COL15A1: variants seen among roughly 807,000 people sequenced by gnomAD.
COL15A1 encodes the protein collagen alpha-1(XV) chain.
In COL15A1, 111 loss-of-function variants were observed where a neutral mutation model predicts 165.9. That is an observed-to-expected ratio of 0.67 (90% confidence interval 0.57 to 0.78). The LOEUF is 0.78. Among genes scored for constraint, COL15A1 ranks in the 30% least tolerant of loss-of-function variants. COL15A1 has a pLI of 0.00. For missense variants in COL15A1, 1,745 were observed against 1,789.7 expected (o/e 0.98, Z 0.45); for synonymous variants, 659 against 674.8 (o/e 0.98, Z 0.36).
chr9:98,947,401 G>A (rs543559732), intron 2 of COL15A1, among the ~76,000 whole-genome samples: 138 of 152,208 alleles, frequency 9.1e-4, no homozygotes, highest in African/African-American at 3.1e-3. Context: ...AGGGGCATGA[G>A]GAAACTTTTT....
In COL15A1 at chr9:99,003,688, A is replaced by G. The variant is rs1220897607; in HGVS notation, c.1200+101A>G. ...GGCTTTCCCTATGTGTCTGTGAAAC[A>G]CAGTGACAGTCTCATGGGGGCAGTC... On this transcript the variant is annotated intron_variant, in intron 8 of 41. Transcript: ENST00000375001. 1.1e-4 allele frequency: 146 copies of G among 1,280,800 alleles called. 1 individual carries two copies. Among genetic ancestry groups the G allele is most frequent in the Non-Finnish European group, 1.4e-4 (137 of 963,222 alleles). 79.3% of individuals were successfully genotyped at this position (1,280,800 alleles called of 1,614,324 possible). A position where few individuals can be genotyped will look rare whatever the true frequency, so the allele number is the denominator to read the frequency against.
chr9:99,024,817 C>G (rs543877282), intron 14 of COL15A1, 57 bp from the exon 15 acceptor site: 2 of 1,569,506 alleles, frequency 1.3e-6, no homozygotes, highest in Non-Finnish European at 1.7e-6. Flanking sequence ...GAAGCACATA[C>G]TCAGTATCTC....
At chr9:98,980,386 C>T (rs767488682) in intron 2 of COL15A1, among the ~76,000 whole-genome samples, 4 of 152,116 alleles carry the variant, frequency 2.6e-5, no homozygotes, top group Non-Finnish European at 5.9e-5. Flanking sequence ...GGAGGTGAAG[C>T]GAGATTTCAG....
At chr9:98,978,962 A>G (rs1212518979) in intron 2 of COL15A1, among the ~76,000 whole-genome samples, 1 of 152,156 alleles carries the variant, frequency 6.6e-6, no homozygotes, top group Non-Finnish European at 1.5e-5. Context: ...GTATTAGTAC[A>G]TACATTTCCA....
At chr9:99,047,365 G>A (rs1254888708) in intron 26 of COL15A1, among the ~76,000 whole-genome samples, 2 of 152,196 alleles carry the variant, frequency 1.3e-5, no homozygotes, top group East Asian at 1.9e-4. Flanking sequence ...CCTGAGGGGC[G>A]AGGCAGGGCT....
chr9:99,000,743 T>C (rs1838636021), intron 6 of COL15A1, 96 bp from the exon 7 acceptor site: 1 of 730,146 alleles, frequency 1.4e-6, no homozygotes, highest in South Asian at 1.5e-5. Flanking sequence ...TCATGGTATC[T>C]GAACATCTTT....
intron 2 of COL15A1, among the ~76,000 whole-genome samples, chr9:98,979,060 A>T (rs1205160565): frequency 6.6e-6 from 1 of 152,186 alleles, no homozygotes; most frequent in South Asian, 2.1e-4. Flanking sequence ...AAGGAATCAC[A>T]TCTTTTGAAA....
intron 30 of COL15A1, among the ~76,000 whole-genome samples, chr9:99,051,145 A>G (rs1839580516): frequency 6.6e-6 from 1 of 152,234 alleles, no homozygotes; most frequent in Non-Finnish European, 1.5e-5. Context: ...GGCTGGCTCC[A>G]GGTCACACAG....
chr9:98,986,541 C>T (rs1263291980), intron 3 of COL15A1: 2 of 159,494 alleles, frequency 1.3e-5, no homozygotes, highest in African/African-American at 4.8e-5. Context: ...AGGTGGGATA[C>T]ACTAGAATAC....
chr9:99,051,947 T>C (rs188986901), intron 30 of COL15A1, among the ~76,000 whole-genome samples: 46 of 152,334 alleles, frequency 3.0e-4, no homozygotes, highest in South Asian at 6.2e-4. Flanking sequence ...TCATCTTTGA[T>C]TACATGCAAT....
chr9:99,002,049 G>C, intron 7 of COL15A1, among the ~76,000 whole-genome samples: 1 of 151,804 alleles, frequency 6.6e-6, no homozygotes, highest in South Asian at 2.1e-4. Context: ...ACAACTGCAG[G>C]ACAAATACCC....
At chr9:99,000,045 A>G (rs1233034207) in intron 6 of COL15A1, among the ~76,000 whole-genome samples, 2 of 151,868 alleles carry the variant, frequency 1.3e-5, no homozygotes, top group East Asian at 3.9e-4. Flanking sequence ...TAATTTTTGT[A>G]TTTTTAGTAG....
intron 2 of COL15A1, among the ~76,000 whole-genome samples, chr9:98,957,558 A>T (rs1032175628): frequency 6.6e-6 from 1 of 152,188 alleles, no homozygotes; most frequent in Non-Finnish European, 1.5e-5. Context: ...TCCTGGCCTC[A>T]TCTCCCAGAA....
intron 2 of COL15A1, among the ~76,000 whole-genome samples, chr9:98,951,891 AG>A (rs1228274580): frequency 1.3e-5 from 2 of 152,254 alleles, no homozygotes; most frequent in African/African-American, 4.8e-5. Context: ...TTTCCCCCAT[AG>A]TACCTGGGGA....
chr9:99,006,938 C>T lies in COL15A1; in HGVS notation c.1353+1888C>T, dbSNP rs548355268. Among the ~76,000 whole-genome samples, 147 of 152,298 alleles carry T rather than the reference C, an allele frequency of 9.7e-4. 1 individual carries two copies. The highest frequency in any genetic ancestry group is 3.5e-3 in the African/African-American group (144 of 41,558). On this transcript the variant is annotated intron_variant, in intron 9 of 41. Transcript: ENST00000375001. ...TTATTTTGCCAGGGTTAAGGATGCA[C>T]CTGTGACACAGCCTCAGGAGGTCCT...
At chr9:99,008,476 T>C (rs1349685633) in intron 9 of COL15A1, among the ~76,000 whole-genome samples, 1 of 152,214 alleles carries the variant, frequency 6.6e-6, no homozygotes, top group South Asian at 2.1e-4. Flanking sequence ...TGTGCTCTGT[T>C]ACAAAAGAAA....
Position 98,985,938 on chromosome 9 carries a change from C to G in COL15A1, c.474C>G (p.Thr158=). The stretch of plus-strand genomic sequence containing the variant: ...CTGCCTTCTCGGTGCCTGTGATGAC[C>G]CACAGGTGGAACCGCTTCGCCATGA... The part of the protein sequence containing the change: ...EAAAFSVPVM[T]HRWNRFAMIV... The change falls in exon 3 of 42, where the codon ACC becomes ACG. Residue 158 remains threonine, a synonymous_variant. Coordinates refer to ENST00000375001, the MANE Select transcript of COL15A1 (RefSeq NM_001855.5). 1.2e-6 allele frequency: 2 copies of G among 1,614,008 alleles called. No individual in the cohort carries two copies. Among genetic ancestry groups the G allele is most frequent in the South Asian group, 2.2e-5 (2 of 91,076 alleles).
At chr9:98,989,110 C>G (rs1255678622) in intron 4 of COL15A1, 68 bp from the exon 5 acceptor site, 10 of 1,207,338 alleles carry the variant, frequency 8.3e-6, no homozygotes, top group African/African-American at 4.5e-5. Flanking sequence ...TGTAACTTTC[C>G]CAGTCATCCA....
intron 15 of COL15A1, 89 bp from the exon 16 acceptor site, chr9:99,025,815 C>T (rs1839113835): frequency 1.4e-6 from 2 of 1,427,670 alleles, no homozygotes; most frequent in Middle Eastern, 1.7e-4. Context: ...CCTCACCTGC[C>T]TCCCAACCCT....
Sources: gnomAD v4.1 joint callset for allele counts (sites outside exome capture counted in the v4.1 genomes callset) on GRCh38, gnomAD v4.1.1 for gene constraint, MANE v1.5 for transcripts, NCBI Gene and HGNC (gene_info 2026-07-23, HGNC 2026-07-21) for gene names.